Variants in PDE3B observed in about 807,000 individuals in gnomAD.
PDE3B encodes phosphodiesterase 3B.
A neutral mutation model predicts 116.8 loss-of-function variants in PDE3B; 66 were observed. The observed-to-expected ratio is 0.56, with a 90% CI of 0.46 to 0.69. The LOEUF (loss-of-function observed/expected upper bound fraction) is 0.69, where lower values mean the gene tolerates loss of function less well. Ranked by LOEUF, PDE3B falls within the 30% of genes least tolerant of loss-of-function variation. PDE3B has a pLI of 0.00. For synonymous variants in PDE3B, 595 were observed against 533.6 expected, an observed-to-expected ratio of 1.12 and a Z score of -1.59; for missense variants, 1,384 against 1,368.1, an observed-to-expected ratio of 1.01 and a Z score of -0.18.
chr11:14,785,047 C>G (rs753593654), intron 2 of PDE3B, among the ~76,000 whole-genome samples: 4 of 151,956 alleles, frequency 2.6e-5, no homozygotes, highest in Non-Finnish European at 4.4e-5. Flanking sequence ...TTTTGCCTAT[C>G]AGATAGGGAT....
chr11:14,660,399 T>A (rs920816008), intron 1 of PDE3B, among the ~76,000 whole-genome samples: 1 of 151,236 alleles, frequency 6.6e-6, no homozygotes, highest in African/African-American at 2.4e-5. Context: ...CCTCCCAGGC[T>A]CAAGCGATCC....
At position 14,716,116 on chromosome 11, in the gene PDE3B, A is replaced by G. The variant is rs561206806; in HGVS notation, c.979-55821A>G. Among the ~76,000 whole-genome samples the G allele has an allele frequency of 4.5e-4, 69 of 152,276 alleles. No individual in the cohort carries two copies. In the East Asian group the frequency reaches 0.012, roughly 27 times the overall value. ...GGCATTGCCTCACCTGGGAAGCGCA[A>G]GGGGTCAGGGAGTTCCCTTTCCGAG... On this transcript the variant is annotated intron_variant, in intron 1 of 15. Transcript: ENST00000282096.
rs782435729 is a variant in PDE3B, at chr11:14,867,683, A to G, written c.3064A>G (p.Thr1022Ala). 4 of 1,613,714 alleles carry G rather than the reference A, an allele frequency of 2.5e-6. No homozygotes were observed. In the African/African-American group the frequency reaches 5.3e-5, roughly 22 times the overall value. The change falls in exon 15 of 16, where the codon ACT (threonine) becomes GCT (alanine). Residue 1022 changes from threonine to alanine, a missense_variant. By Grantham distance (58) the Thr-to-Ala change is moderately conservative. Around this residue, in one of 2 missense-constraint regions of PDE3B, gnomAD observed 428 missense variants for 561.4 expected, o/e 0.76. Transcript: ENST00000282096. ...GTTAGAAGCAGAAGAGGATAATGAT[A>G]CTGAAAGTGGTGATGATGAAGACGG... ...QWLEAEEDNDTESGDDEDGEE... is the reference protein window; with the variant it reads ...QWLEAEEDNDAESGDDEDGEE...
chr11:14,715,390 G>T (rs1288584923), intron 1 of PDE3B, among the ~76,000 whole-genome samples: 1 of 152,164 alleles, frequency 6.6e-6, no homozygotes, highest in African/African-American at 2.4e-5. Flanking sequence ...TCCTACCCAT[G>T]AGCATGGAAT....
In PDE3B at chr11:14,859,080, A is replaced by G; in HGVS notation, c.2558A>G (p.His853Arg). 6.2e-7 allele frequency: 1 copy of G among 1,613,604 alleles called. No individual in the cohort carries two copies. Among genetic ancestry groups the G allele is most frequent in the Non-Finnish European group, 8.5e-7 (1 of 1,179,720 alleles). Residue 853 changes from histidine (H) to arginine (R), a missense_variant, in exon 13 of 16, where the codon CAT becomes CGT. This residue lies in a region of PDE3B where 428 missense variants were observed against 561.4 expected (regional missense o/e 0.76). Transcript: ENST00000282096. Reference sequence around the variant, plus strand: ...AATGACAGATCTGTTCTGGAAAATCATCATGCTGCGTCAGCTTGGAATCTA... The same window carrying G: ...AATGACAGATCTGTTCTGGAAAATCGTCATGCTGCGTCAGCTTGGAATCTA... Reference protein sequence around the residue: ...LYNDRSVLENHHAASAWNLYL... With the variant: ...LYNDRSVLENRHAASAWNLYL...
At chr11:14,798,755 A>G (rs1284652060) in intron 4 of PDE3B, among the ~76,000 whole-genome samples, 6 of 151,894 alleles carry the variant, frequency 4.0e-5, no homozygotes, top group Non-Finnish European at 5.9e-5. Flanking sequence ...GGTAGTTTGT[A>G]TTTCTGTGGG....
At chr11:14,789,359 A>G in intron 4 of PDE3B, 117 bp downstream of exon 4, 10 of 712,162 alleles carry the variant, frequency 1.4e-5, no homozygotes, top group Non-Finnish European at 2.1e-5. Flanking sequence ...TTTTAGGTAT[A>G]GGACAACATG....
intron 1 of PDE3B, among the ~76,000 whole-genome samples, chr11:14,732,125 G>A (rs1856475132): frequency 6.6e-6 from 1 of 152,132 alleles, no homozygotes; most frequent in Non-Finnish European, 1.5e-5. Context: ...GTAGAGAGAA[G>A]AGCGAAAGTC....
chr11:14,685,446 C>CTTT lies in PDE3B; in HGVS notation c.978+40418_978+40420dup, dbSNP rs71044017. On this transcript the variant is annotated intron_variant, in intron 1 of 15. Coordinates refer to ENST00000282096, the MANE Select transcript of PDE3B (RefSeq NM_000922.4). ...ATCACTAAGGGAACATTTTTCTCATCTTTTTTTTTTTTTTTTTTTTTTTTT... is the reference window on the plus strand; with the variant it reads ...ATCACTAAGGGAACATTTTTCTCATCTTTTTTTTTTTTTTTTTTTTTTTTTTTT... Among the ~76,000 whole-genome samples the CTTT allele has an allele frequency of 8.5e-3, 732 of 86,292 alleles. 78 individuals are homozygous for CTTT. Among genetic ancestry groups the CTTT allele is most frequent in the East Asian group, 0.016 (42 of 2,698 alleles). The allele number at this position is 86,292 out of a possible 152,430, so 56.6% of individuals were successfully genotyped here. A position where few individuals can be genotyped will look rare whatever the true frequency, so the allele number is the denominator to read the frequency against.
At chr11:14,832,893 T>C (rs1276649629) in intron 10 of PDE3B, 60 bp downstream of exon 10, 10 of 736,432 alleles carry the variant, frequency 1.4e-5, no homozygotes, top group Non-Finnish European at 2.3e-5. Context: ...AAACTCTTTA[T>C]CATCTTTCTC....
At chr11:14,733,696 AG>A (rs1447762852) in intron 1 of PDE3B, among the ~76,000 whole-genome samples, 1 of 152,186 alleles carries the variant, frequency 6.6e-6, no homozygotes, top group Non-Finnish European at 1.5e-5. Context: ...GGGTCTGAAA[AG>A]TAAGCCATTG....
chr11:14,835,807 A>T lies in PDE3B; in HGVS notation c.2320+712A>T, dbSNP rs144173650. On this transcript the variant is annotated intron_variant, in intron 11 of 15. Coordinates refer to ENST00000282096, the MANE Select transcript of PDE3B (RefSeq NM_000922.4). ...ACCCCATCTCTACAAAAAAATTTTT[A>T]AAAAATTTAGCTGGATGTGGTGACA... 8.5e-5 allele frequency among the ~76,000 whole-genome samples: 13 copies of T among 152,268 alleles called. 1 individual carries two copies. The highest frequency in any genetic ancestry group is 2.1e-4 in the South Asian group (1 of 4,828).
the PDE3B span, among the ~76,000 whole-genome samples, chr11:14,882,211 A>C: frequency 6.6e-6 from 1 of 152,156 alleles, no homozygotes. Flanking sequence ...GGAACAAAAG[A>C]AGCAAAGGTC....
Position 14,644,967 on chromosome 11 carries a change from G to C in PDE3B, c.892G>C (p.Val298Leu). The C allele has an allele frequency of 6.2e-7, 1 of 1,614,042 alleles. No individual in the cohort carries two copies. The highest frequency in any genetic ancestry group is 8.5e-7 in the Non-Finnish European group (1 of 1,180,034). ...CCGACCCCGGAGGAGGTCCAGCTGC[G>C]TGTCGTTAGGAGAAACTGCAGCCAG... The part of the protein sequence containing the change: ...VIRPRRRSSC[V>L]SLGETAASYY... Residue 298 changes from valine (V) to leucine (L), a missense_variant, in exon 1 of 16, where the codon GTG becomes CTG. Physicochemically the swap from Val to Leu is conservative, Grantham distance 32 (BLOSUM62 1). This residue lies in a region of PDE3B where 956 missense variants were observed against 806.8 expected (regional missense o/e 1.18). Transcript: ENST00000282096.
At chr11:14,684,109 T>C (rs954847132) in intron 1 of PDE3B, among the ~76,000 whole-genome samples, 3 of 152,232 alleles carry the variant, frequency 2.0e-5, no homozygotes, top group Admixed American at 6.5e-5. Flanking sequence ...TGGATAGATT[T>C]ACTAGGTTGT....
At chr11:14,785,143 A>G (rs926090626) in intron 2 of PDE3B, among the ~76,000 whole-genome samples, 5 of 151,888 alleles carry the variant, frequency 3.3e-5, no homozygotes, top group African/African-American at 7.3e-5. Context: ...TTTGATCAAC[A>G]TATTCTAAGG....
intron 12 of PDE3B, among the ~76,000 whole-genome samples, chr11:14,849,095 G>A (rs1475525091): frequency 6.6e-6 from 1 of 151,988 alleles, no homozygotes; most frequent in African/African-American, 2.4e-5. Context: ...TATACTACAA[G>A]GCTACACTAA....
intron 1 of PDE3B, among the ~76,000 whole-genome samples, chr11:14,672,026 A>T (rs1348058783): frequency 6.8e-5 from 8 of 118,058 alleles, no homozygotes; most frequent in South Asian, 2.6e-4. Flanking sequence ...TGAAAAAAAA[A>T]AAATATATAT....
chr11:14,880,890 T>A, the PDE3B span: 2 of 907,966 alleles, frequency 2.2e-6, no homozygotes, highest in Non-Finnish European at 3.3e-6. Flanking sequence ...CCTATATAAC[T>A]ACATGGTTGG....
Sources: gnomAD v4.1 joint callset for allele counts (sites outside exome capture counted in the v4.1 genomes callset) on GRCh38, gnomAD v4.1.1 for gene constraint, gnomAD v4.1.1 regional missense constraint, MANE v1.5 for transcripts, NCBI Gene and HGNC (gene_info 2026-07-23, HGNC 2026-07-21) for gene names.